The following HDX variants were observed in gnomAD, a reference collection of about 807,000 sequenced individuals.
HDX encodes chromosome X open reading frame 43.
A neutral mutation model predicts 45.2 loss-of-function variants in HDX; 19 were observed. That is an observed-to-expected ratio of 0.42 (90% CI 0.29 to 0.62). HDX has a LOEUF of 0.62. Among genes scored for constraint, HDX ranks in the 20% least tolerant of loss-of-function variants. The probability of loss-of-function intolerance (pLI) is 0.20; values close to 1 mark genes in which losing one functional copy is unlikely to be tolerated. For synonymous variants in HDX, 188 were observed against 172.8 expected (o/e 1.09, Z -0.69); for missense variants, 532 against 493.9 (o/e 1.08, Z -0.73).
intron 4 of HDX, among the ~76,000 whole-genome samples, chrX:84,460,477 A>G (rs1273904881): frequency 8.9e-6 from 1 of 112,087 alleles, no homozygotes; most frequent in Non-Finnish European, 1.9e-5. Flanking sequence ...AAATGATTTG[A>G]TAAAACTCAA....
At chrX:84,352,719 G>A (rs958103396) in intron 6 of HDX, among the ~76,000 whole-genome samples, 4 of 111,753 alleles carry the variant, frequency 3.6e-5, no homozygotes, top group Admixed American at 9.6e-5. Flanking sequence ...CCATCATAAC[G>A]TTGAAAATGG....
In HDX at chrX:84,474,736, G is replaced by A. The variant is rs1361541959; in HGVS notation, c.147+515C>T. Among the ~76,000 whole-genome samples, 3 of 112,142 alleles carry A rather than the reference G, an allele frequency of 2.7e-5. No individual in the cohort carries two copies. The Admixed American group carries it at 2.8e-4, about 11-fold the overall frequency. ...TTTTTACTACTGAATAACTATGATT[G>A]TGATAAAGAAAAATTTATTCTCTTA... On this transcript the variant is annotated intron_variant, in intron 3 of 10. Transcript: ENST00000373177.
At chrX:84,339,214 TTCATAG>T in intron 7 of HDX, among the ~76,000 whole-genome samples, 1 of 111,289 alleles carries the variant, frequency 9.0e-6, no homozygotes, top group Non-Finnish European at 1.9e-5. Context: ...TAAAGAACGG[TTCATAG>T]ACAGAGGAGC....
intron 2 of HDX, among the ~76,000 whole-genome samples, chrX:84,485,470 C>A (rs1172875509): frequency 8.9e-6 from 1 of 112,130 alleles, no homozygotes. Flanking sequence ...GTGGCACAAA[C>A]TTGGCTCTCT....
intron 5 of HDX, among the ~76,000 whole-genome samples, chrX:84,370,733 T>C (rs1403470943): frequency 8.9e-6 from 1 of 112,417 alleles, no homozygotes; most frequent in Non-Finnish European, 1.9e-5. Flanking sequence ...GGAAATGTCA[T>C]ACAAATAGAA....
chrX:84,344,582 G>A, intron 6 of HDX, 125 bp from the exon 7 acceptor site: 1 of 424,209 alleles, frequency 2.4e-6, no homozygotes, highest in Non-Finnish European at 4.1e-6. Flanking sequence ...ACACAGAAAG[G>A]TAAAAACTTT....
chrX:84,348,486 T>A (rs1402513805), intron 6 of HDX, among the ~76,000 whole-genome samples: 1 of 112,038 alleles, frequency 8.9e-6, no homozygotes, highest in African/African-American at 3.2e-5. Flanking sequence ...GCTTGCTCTG[T>A]CTCTTCAAAT....
chrX:84,336,373 T>A (rs901393213), intron 8 of HDX, among the ~76,000 whole-genome samples: 3 of 111,318 alleles, frequency 2.7e-5, no homozygotes, highest in African/African-American at 9.8e-5. Flanking sequence ...TCAATAGGTA[T>A]GTTCTGAATA....
At chrX:84,403,659 C>T (rs2038754598) in intron 5 of HDX, among the ~76,000 whole-genome samples, 1 of 111,790 alleles carries the variant, frequency 8.9e-6, no homozygotes, top group Non-Finnish European at 1.9e-5. Flanking sequence ...GTTAACCAGC[C>T]TAAGTGACAT....
rs1212706676 is a variant in HDX, at chrX:84,459,442, A to C, written c.1251+9030T>G. On this transcript the variant is annotated intron_variant, in intron 4 of 10. Coordinates refer to ENST00000373177, the MANE Select transcript of HDX (RefSeq NM_001177479.2). The stretch of plus-strand genomic sequence containing the variant: ...GGGCGACAGAGCGAGACTCGATCTC[A>C]AAAAAAAAAAAGAAAAAAAGAAAAG... 4.0e-5 allele frequency among the ~76,000 whole-genome samples: 4 copies of C among 99,284 alleles called. No individual in the cohort carries two copies. In the East Asian group the frequency reaches 1.2e-3, roughly 30 times the overall value. The allele number at this position is 99,284 out of a possible 115,157, so 86.2% of individuals were successfully genotyped here.
intron 5 of HDX, among the ~76,000 whole-genome samples, chrX:84,429,520 G>A (rs1212268656): frequency 5.4e-5 from 6 of 110,349 alleles, no homozygotes; most frequent in Non-Finnish European, 5.7e-5. Flanking sequence ...TGTATTGAAC[G>A]TGTATCCTGT....
At chrX:84,492,356 T>G (rs1373511930) in intron 1 of HDX, among the ~76,000 whole-genome samples, 1 of 110,874 alleles carries the variant, frequency 9.0e-6, no homozygotes, top group East Asian at 2.8e-4. Flanking sequence ...TACTTCATCA[T>G]TGCTACAAGC....
intron 5 of HDX, among the ~76,000 whole-genome samples, chrX:84,430,236 T>C (rs969261872): frequency 2.7e-5 from 3 of 111,120 alleles, no homozygotes; most frequent in Non-Finnish European, 3.8e-5. Context: ...GATTACTTTT[T>C]TTAGCTTTCA....
intron 4 of HDX, among the ~76,000 whole-genome samples, chrX:84,444,397 A>G (rs756526375): frequency 9.0e-6 from 1 of 111,499 alleles, no homozygotes; most frequent in East Asian, 2.8e-4. Flanking sequence ...AAATTAAAGA[A>G]GTACAAAAAC....
At chrX:84,475,429 G>T (rs752663361) in intron 2 of HDX, 32 bp from the exon 3 acceptor site, 6 of 977,016 alleles carry the variant, frequency 6.1e-6, no homozygotes, top group Non-Finnish European at 8.2e-6. Context: ...CTGAAAATTG[G>T]AATAAAAATT....
chrX:84,325,895 G>T, intron 10 of HDX, among the ~76,000 whole-genome samples: 1 of 111,350 alleles, frequency 9.0e-6, no homozygotes, highest in African/African-American at 3.3e-5. Context: ...AACATTTTCA[G>T]AAATTTCTTT....
At position 84,326,249 on chromosome X, in the gene HDX, A is replaced by ATT; in HGVS notation, c.1874_1875dup (p.Tyr626AsnfsTer12). 8.4e-7 allele frequency: 1 copy of ATT among 1,195,285 alleles called. No individual in the cohort carries two copies. The highest frequency in any genetic ancestry group is 1.1e-6 in the Non-Finnish European group (1 of 881,169). ...CTAACAAAAGTCTGAAGTTTAAAGT[A>ATT]TTTTTGCTTTTGAATCTCGAGCTCA... On this transcript the variant is annotated frameshift_variant, in exon 10 of 11. Coordinates refer to ENST00000373177, the MANE Select transcript of HDX (RefSeq NM_001177479.2). LOFTEE classifies it high-confidence loss of function.
chrX:84,462,927 T>G (rs2040270699), intron 4 of HDX, among the ~76,000 whole-genome samples: 1 of 111,066 alleles, frequency 9.0e-6, no homozygotes, highest in Admixed American at 9.6e-5. Flanking sequence ...CAGTCTCAAA[T>G]GGCCCATATT....
intron 6 of HDX, among the ~76,000 whole-genome samples, chrX:84,349,540 C>T (rs911604623): frequency 2.4e-5 from 2 of 84,812 alleles, no homozygotes; most frequent in South Asian, 1.2e-3. Flanking sequence ...TATATATATA[C>T]ACACATACAT....
Sources: gnomAD v4.1 joint callset for allele counts (sites outside exome capture counted in the v4.1 genomes callset) on GRCh38, gnomAD v4.1.1 for gene constraint, MANE v1.5 for transcripts, NCBI Gene and HGNC (gene_info 2026-07-23, HGNC 2026-07-21) for gene names.